The following SLC26A8 variants were observed in gnomAD, a reference collection of about 807,000 sequenced individuals.
SLC26A8 encodes solute carrier family 26 member 8, also known as testis anion transporter 1.
SLC26A8 carries 70 observed loss-of-function variants against 105.0 expected under a neutral mutation model. The observed-to-expected ratio is 0.67, with a 90% CI of 0.55 to 0.81. SLC26A8 has a LOEUF of 0.81. SLC26A8 is among the 40% of genes least tolerant of loss of function. The pLI is 0.00. For missense variants in SLC26A8, 998 were observed against 1,181.8 expected (o/e 0.84, Z 2.28); for synonymous variants, 415 against 438.3 (o/e 0.95, Z 0.66).
chr6:36,023,056 A>G (rs1762164345), intron 1 of SLC26A8, among the ~76,000 whole-genome samples: 1 of 151,680 alleles, frequency 6.6e-6, no homozygotes, highest in Non-Finnish European at 1.5e-5. Flanking sequence ...GACTACCACT[A>G]TAAATATAGT....
intron 7 of SLC26A8, among the ~76,000 whole-genome samples, chr6:35,990,987 A>G (rs1383567902): frequency 2.0e-5 from 3 of 152,208 alleles, no homozygotes; most frequent in African/African-American, 7.2e-5. Context: ...AGGGAGATCT[A>G]TTGTGCTATT....
rs141984333 is a variant in SLC26A8, at chr6:36,021,958, C to T, written c.-2-2249G>A. Among the ~76,000 whole-genome samples, 80 of 146,238 alleles carry T rather than the reference C, an allele frequency of 5.5e-4. No homozygotes were observed. The East Asian group carries it at 0.014, about 26-fold the overall frequency. ...TGCTGGGATTACACGCGTGAGCCACCGCGCCCGGCCTATTTTTTATTTTTT... is the reference window on the plus strand; with the variant it reads ...TGCTGGGATTACACGCGTGAGCCACTGCGCCCGGCCTATTTTTTATTTTTT... On this transcript the variant is annotated intron_variant, in intron 1 of 19. Coordinates refer to ENST00000490799, the MANE Select transcript of SLC26A8 (RefSeq NM_052961.4).
rs765241283 is a variant in SLC26A8, at chr6:35,992,537, G to A, written c.765C>T (p.Phe255=). The A allele has an allele frequency of 1.9e-6, 3 of 1,613,612 alleles. No individual in the cohort carries two copies. Among genetic ancestry groups the A allele is most frequent in the Non-Finnish European group, 2.5e-6 (3 of 1,179,870 alleles). The change falls in exon 6 of 20, where the codon TTC becomes TTT. Residue 255 remains phenylalanine, a synonymous_variant. Coordinates refer to ENST00000490799, the MANE Select transcript of SLC26A8 (RefSeq NM_052961.4). ...AGAAGAAGGAGATGGGACCGGCATG[G>A]AAACTAATCATAATCCCAAAGATGA... ...LTFIFGIMIS[F]HAGPISFFYD... is the part of the protein sequence containing the mutation.
rs1771807067 is a variant in SLC26A8 at position 35,950,000 on chromosome 6, G to A, written c.2472+1163C>T. On this transcript the variant is annotated intron_variant, in intron 19 of 19. Transcript: ENST00000490799. The stretch of plus-strand genomic sequence containing the variant: ...TTTTTGTATTTTTAGTAGAGATGGG[G>A]TTTCACCAGGATGGTCTCGATCTCC... Among the ~76,000 whole-genome samples the A allele has an allele frequency of 3.3e-5, 5 of 151,886 alleles. No homozygotes were observed. In the South Asian group the frequency reaches 1.0e-3, roughly 31 times the overall value.
intron 1 of SLC26A8, among the ~76,000 whole-genome samples, chr6:36,023,858 T>C (rs1178541458): frequency 6.6e-6 from 1 of 152,214 alleles, no homozygotes; most frequent in Non-Finnish European, 1.5e-5. Flanking sequence ...GATCCTTTAG[T>C]CACTCTGGCT....
chr6:35,984,319 AT>A (rs59314649), intron 7 of SLC26A8, among the ~76,000 whole-genome samples: 16,380 of 115,848 alleles, frequency 0.14, 678 homozygotes, highest in Middle Eastern at 0.18. Flanking sequence ...TCTTCTTCTT[AT>A]TTTTTTTTTT....
intron 3 of SLC26A8, among the ~76,000 whole-genome samples, chr6:36,010,066 A>G (rs930192979): frequency 2.6e-5 from 4 of 152,218 alleles, no homozygotes; most frequent in Admixed American, 6.5e-5. Flanking sequence ...AGTTAAACAT[A>G]CACGTACCAT....
Position 35,951,344 on chromosome 6 carries a change from G to A in SLC26A8, c.2291C>T (p.Ser764Phe). 1.2e-6 allele frequency: 2 copies of A among 1,614,068 alleles called. No homozygotes were observed. The highest frequency in any genetic ancestry group is 2.7e-5 in the African/African-American group (2 of 74,998). Residue 764 changes from serine (S) to phenylalanine (F), a missense_variant, in exon 19 of 20, where the codon TCC becomes TTC. Transcript: ENST00000490799. ...ATTCCTCTCAAATGCCCTGACTATG[G>A]AAGCTAAAAACCAAACCCAGAACAC... ...ILILIAGCHSSIVRAFERNDF... is the reference protein window; with the variant it reads ...ILILIAGCHSFIVRAFERNDF...
chr6:35,983,132 G>A (rs1773346291), intron 7 of SLC26A8, among the ~76,000 whole-genome samples: 1 of 152,224 alleles, frequency 6.6e-6, no homozygotes, highest in Admixed American at 6.5e-5. Flanking sequence ...ACGCTGAACA[G>A]AACAGCAGTT....
intron 17 of SLC26A8, 68 bp downstream of exon 17, chr6:35,955,084 G>C (rs1044153889): frequency 1.3e-6 from 2 of 1,591,198 alleles, no homozygotes; most frequent in African/African-American, 2.7e-5. Flanking sequence ...AATTCAATCA[G>C]GATCAGGGTG....
intron 19 of SLC26A8, among the ~76,000 whole-genome samples, chr6:35,950,115 T>C (rs1771816033): frequency 6.6e-6 from 1 of 151,712 alleles, no homozygotes; most frequent in African/African-American, 2.4e-5. Context: ...GTCTTAACTG[T>C]TTCAGATGTG....
rs768866410 is a variant in SLC26A8 at position 35,943,942 on chromosome 6, C to G, written c.2871G>C (p.Met957Ile). 7 of 1,614,178 alleles carry G rather than the reference C, an allele frequency of 4.3e-6. No individual in the cohort carries two copies. In the South Asian group the frequency reaches 7.7e-5, roughly 18 times the overall value. ...TWSVERRRHP[M>I]DSYSPEGNSN... The stretch of plus-strand genomic sequence containing the variant: ...TGTTGCCCTCTGGTGAGTATGAATC[C>G]ATAGGATGGCGTCTCCTCTCCACTG... The change falls in exon 20 of 20, where the codon ATG (methionine) becomes ATC (isoleucine). Residue 957 changes from methionine to isoleucine, a missense_variant. Met to Ile is a conservative substitution (Grantham distance 10). Transcript: ENST00000490799.
intron 2 of SLC26A8, among the ~76,000 whole-genome samples, chr6:36,019,172 T>C (rs987962671): frequency 3.9e-5 from 6 of 152,180 alleles, no homozygotes; most frequent in African/African-American, 1.4e-4. Context: ...GTGATCTGCC[T>C]GCCTTGGCCT....
At chr6:36,006,745 T>G (rs1761699129) in intron 3 of SLC26A8, among the ~76,000 whole-genome samples, 1 of 152,226 alleles carries the variant, frequency 6.6e-6, no homozygotes, top group African/African-American at 2.4e-5. Flanking sequence ...AGCTGCCACA[T>G]GAAAATTTCT....
chr6:35,947,182 G>C (rs748761401), intron 19 of SLC26A8, among the ~76,000 whole-genome samples: 2 of 151,856 alleles, frequency 1.3e-5, no homozygotes, highest in African/African-American at 2.4e-5. Context: ...GCACGCGCCA[G>C]CATGCCCAGC....
intron 4 of SLC26A8, among the ~76,000 whole-genome samples, chr6:35,998,316 G>A (rs1353848614): frequency 6.6e-6 from 1 of 152,148 alleles, no homozygotes; most frequent in African/African-American, 2.4e-5. Flanking sequence ...AGCACTTTGG[G>A]AGGCTGAGGC....
At chr6:35,948,754 G>T (rs532212102) in intron 19 of SLC26A8, among the ~76,000 whole-genome samples, 1 of 152,332 alleles carries the variant, frequency 6.6e-6, no homozygotes, top group South Asian at 2.1e-4. Flanking sequence ...ATGGTTGGAT[G>T]GTGGTATGAT....
At chr6:35,975,165 A>G (rs1772954224) in intron 10 of SLC26A8, among the ~76,000 whole-genome samples, 1 of 152,202 alleles carries the variant, frequency 6.6e-6, no homozygotes. Flanking sequence ...ATGGCTTTCA[A>G]GTTCCACATT....
At chr6:35,968,617 A>G (rs1388627595) in intron 11 of SLC26A8, among the ~76,000 whole-genome samples, 4,926 of 71,488 alleles carry the variant, frequency 0.069, 125 homozygotes, top group Non-Finnish European at 0.081. Context: ...GTGTATATAT[A>G]TATATATATA....
Sources: gnomAD v4.1 joint callset for allele counts (sites outside exome capture counted in the v4.1 genomes callset) on GRCh38, gnomAD v4.1.1 for gene constraint, MANE v1.5 for transcripts, NCBI Gene and HGNC (gene_info 2026-07-23, HGNC 2026-07-21) for gene names.